DOCK1: variants seen among roughly 807,000 people sequenced by gnomAD.
The protein encoded by DOCK1 is dedicator of cytokinesis 1, also known as dedicator of cytokinesis protein 1.
In DOCK1, 138 loss-of-function variants were observed where a neutral mutation model predicts 262.7. The observed-to-expected ratio is 0.53, with a 90% CI of 0.46 to 0.61. The LOEUF is 0.61. Ranked by LOEUF, DOCK1 falls within the 20% of genes least tolerant of loss-of-function variation. DOCK1 has a pLI of 0.00. For synonymous variants in DOCK1, 866 were observed against 867.4 expected, an observed-to-expected ratio of 1.00 and a Z score of 0.03; for missense variants, 1,908 against 2,370.7, an observed-to-expected ratio of 0.80 and a Z score of 4.05.
chr10:127,444,555 C>T (rs552030512), intron 50 of DOCK1, among the ~76,000 whole-genome samples: 2 of 152,264 alleles, frequency 1.3e-5, no homozygotes, highest in Non-Finnish European at 2.9e-5. Context: ...CTGTGAAGCA[C>T]GTGGAACCAC....
intron 27 of DOCK1, among the ~76,000 whole-genome samples, chr10:127,211,511 C>T (rs1188927947): frequency 6.6e-6 from 1 of 152,176 alleles, no homozygotes; most frequent in Non-Finnish European, 1.5e-5. Context: ...TGATGAGGAC[C>T]TGCTGTTTCA....
rs561573400 is a variant in DOCK1, at chr10:127,058,640, G to A, written c.2337-3028G>A. Among the ~76,000 whole-genome samples the A allele has an allele frequency of 5.3e-4, 79 of 150,224 alleles. No individual in the cohort carries two copies. In the South Asian group the frequency reaches 0.016, roughly 31 times the overall value. On this transcript the variant is annotated intron_variant, in intron 22 of 51. Coordinates refer to ENST00000623213, the MANE Select transcript of DOCK1 (RefSeq NM_001290223.2). ...ACTTTTTTTAAGCATCTCATTTTCT[G>A]ATTTTTAAACATATTATTTGAATAT... is the stretch of plus-strand genomic sequence containing the variant.
intron 25 of DOCK1, among the ~76,000 whole-genome samples, chr10:127,122,127 A>G (rs1325828826): frequency 6.6e-6 from 1 of 152,202 alleles, no homozygotes; most frequent in African/African-American, 2.4e-5. Context: ...CCAGCAGATC[A>G]CAGGTCACCA....
In DOCK1 at chr10:127,301,310, A is replaced by G. The variant is rs536901636; in HGVS notation, c.3045-37696A>G. 1.8e-4 allele frequency among the ~76,000 whole-genome samples: 27 copies of G among 152,304 alleles called. No homozygotes were observed. The South Asian group carries it at 4.1e-3, about 23-fold the overall frequency. On this transcript the variant is annotated intron_variant, in intron 29 of 51. Transcript: ENST00000623213. ...CTGCTTTTCACATCAGTGCTGTGCA[A>G]TAAGCACTTTTACAAGTCAGGCTGC...
At chr10:127,254,781 G>A (rs1215550618) in intron 28 of DOCK1, among the ~76,000 whole-genome samples, 1 of 152,200 alleles carries the variant, frequency 6.6e-6, no homozygotes, top group Non-Finnish European at 1.5e-5. Context: ...GAGTGAAGAT[G>A]CTTTGTCTTT....
Position 127,343,633 on chromosome 10 carries a change from T to G in DOCK1, c.3124-13T>G, listed in dbSNP as rs2063518300. The G allele has an allele frequency of 3.8e-6, 6 of 1,598,862 alleles. No individual in the cohort carries two copies. The highest frequency in any genetic ancestry group is 5.1e-6 in the Non-Finnish European group (6 of 1,171,886). On this transcript the variant is annotated splice_polypyrimidine_tract_variant and intron_variant, in intron 30 of 51. Coordinates refer to ENST00000623213, the MANE Select transcript of DOCK1 (RefSeq NM_001290223.2). Reference sequence around the variant, plus strand: ...GTTCAACAACTTAGCATCTCCTCCTTTTTGGTTTTCAGCTGTGGAACAACT... The same window carrying G: ...GTTCAACAACTTAGCATCTCCTCCTGTTTGGTTTTCAGCTGTGGAACAACT...
At chr10:127,425,523 C>T (rs576925698) in intron 46 of DOCK1, among the ~76,000 whole-genome samples, 15 of 152,254 alleles carry the variant, frequency 9.9e-5, no homozygotes, top group South Asian at 4.1e-4. Context: ...AAAAAATGTT[C>T]GCACTCTGAC....
intron 29 of DOCK1, among the ~76,000 whole-genome samples, chr10:127,315,111 C>T (rs1271120327): frequency 6.6e-6 from 1 of 152,180 alleles, no homozygotes; most frequent in Non-Finnish European, 1.5e-5. Flanking sequence ...CTCTTTCTTC[C>T]TAATGTCAGT....
rs75981477 is a variant in DOCK1, at chr10:127,345,822, G to A, written c.3224+2076G>A. 6.8e-3 allele frequency among the ~76,000 whole-genome samples: 1,037 copies of A among 152,282 alleles called. 7 individuals carry two copies. Among genetic ancestry groups the A allele is most frequent in the African/African-American group, 0.024 (992 of 41,558 alleles). Reference sequence around the variant, plus strand: ...CAGGCTCCTGCTTTGTGGAATGCACGCTCCCTCAGGGCCCAGGGGAAGGGA... The same window carrying A: ...CAGGCTCCTGCTTTGTGGAATGCACACTCCCTCAGGGCCCAGGGGAAGGGA... On this transcript the variant is annotated intron_variant, in intron 31 of 51. Coordinates refer to ENST00000623213, the MANE Select transcript of DOCK1 (RefSeq NM_001290223.2).
chr10:127,152,052 C>T (rs1020846115), intron 27 of DOCK1, among the ~76,000 whole-genome samples: 2 of 151,804 alleles, frequency 1.3e-5, no homozygotes, highest in African/African-American at 2.4e-5. Flanking sequence ...CAGAATATTA[C>T]GTAGGTTTAG....
intron 25 of DOCK1, among the ~76,000 whole-genome samples, chr10:127,122,282 T>C (rs2255863): frequency 0.82 from 124,901 of 152,056 alleles, 51,998 homozygotes; most frequent in East Asian, 0.94. Flanking sequence ...TGCCATAGCC[T>C]GTGTGACCCT....
chr10:127,111,764 G>A (rs1481606103), intron 25 of DOCK1, among the ~76,000 whole-genome samples: 1 of 152,110 alleles, frequency 6.6e-6, no homozygotes, highest in Non-Finnish European at 1.5e-5. Flanking sequence ...GCGACATACT[G>A]CATCACCAGC....
rs747836571 is a variant in DOCK1, at chr10:126,970,779, T to C, written c.124T>C (p.Tyr42His). The change falls in exon 2 of 52, where the codon TAT (tyrosine) becomes CAT (histidine). Residue 42 changes from tyrosine (Y) to histidine (H), a missense_variant. Tyr to His is a moderately conservative substitution (Grantham distance 83). Around this residue, in one of 9 missense-constraint regions of DOCK1, gnomAD observed 227 missense variants for 254.1 expected, o/e 0.89. Transcript: ENST00000623213. ...IGDTVHILET[Y>H]EGWYRGYTLR... is the part of the protein sequence containing the mutation. ...AGACACTGTGCACATCTTAGAAACA[T>C]ATGAAGGTGCGTATGCATCTTGGTA... 1 of 1,612,574 alleles carries C rather than the reference T, an allele frequency of 6.2e-7. No individual in the cohort carries two copies. The highest frequency in any genetic ancestry group is 8.5e-7 in the Non-Finnish European group (1 of 1,178,874).
At position 127,403,119 on chromosome 10, in the gene DOCK1, A is replaced by G. The variant is rs1377766992; in HGVS notation, c.3992A>G (p.Asp1331Gly). 1 of 1,611,766 alleles carries G rather than the reference A, an allele frequency of 6.2e-7. No individual in the cohort carries two copies. Among genetic ancestry groups the G allele is most frequent in the African/African-American group, 1.3e-5 (1 of 75,034 alleles). The change falls in exon 39 of 52, where the codon GAT becomes GGT. Residue 1331 changes from aspartate (D) to glycine (G), a missense_variant. Transcript: ENST00000623213. ...LAEQYENEMFDYEQLSELLKK... is the reference protein window; with the variant it reads ...LAEQYENEMFGYEQLSELLKK... Reference sequence around the variant, plus strand: ...GAGCAGTATGAGAACGAAATGTTTGATTATGAGCAACTCAGCGAATTGCTG... The same window carrying G: ...GAGCAGTATGAGAACGAAATGTTTGGTTATGAGCAACTCAGCGAATTGCTG...
chr10:127,101,085 G>A (rs560285952), intron 23 of DOCK1, among the ~76,000 whole-genome samples: 2 of 152,202 alleles, frequency 1.3e-5, no homozygotes, highest in East Asian at 3.9e-4. Flanking sequence ...GAGCCCCACA[G>A]GGCAGGCAGG....
intron 27 of DOCK1, among the ~76,000 whole-genome samples, chr10:127,204,702 A>C (rs1424791491): frequency 6.6e-6 from 1 of 152,208 alleles, no homozygotes; most frequent in Non-Finnish European, 1.5e-5. Context: ...ACCTAAATTC[A>C]TTTTATTTGT....
intron 22 of DOCK1, among the ~76,000 whole-genome samples, chr10:127,053,622 C>G (rs890338119): frequency 6.6e-6 from 1 of 152,118 alleles, no homozygotes; most frequent in Non-Finnish European, 1.5e-5. Flanking sequence ...TATTTATTAC[C>G]ATTGAACTGT....
At position 127,446,732 on chromosome 10, in the gene DOCK1, C is replaced by A. The variant is rs1026828319; in HGVS notation, c.5414-662C>A. 6.6e-6 allele frequency among the ~76,000 whole-genome samples: 1 copy of A among 152,172 alleles called. No individual in the cohort carries two copies. The highest frequency in any genetic ancestry group is 1.5e-5 in the Non-Finnish European group (1 of 68,028). ...AACAAATTATCTTTAAGAGTCTCAA[C>A]AAGGTTTGAGAAAATATCCTGCCTT... On this transcript the variant is annotated intron_variant, in intron 50 of 51. Coordinates refer to ENST00000623213, the MANE Select transcript of DOCK1 (RefSeq NM_001290223.2). The surrounding 1 kb of genome is among the most constrained non-coding windows in gnomAD (Gnocchi z 4.4).
intron 13 of DOCK1, among the ~76,000 whole-genome samples, chr10:127,022,304 G>A (rs1227059388): frequency 2.6e-4 from 39 of 151,336 alleles, no homozygotes; most frequent in Admixed American, 2.6e-3. Context: ...ATTCTAGGCT[G>A]GTGATCCTCA....
Sources: gnomAD v4.1 joint callset for allele counts (sites outside exome capture counted in the v4.1 genomes callset) on GRCh38, gnomAD v4.1.1 for gene constraint, gnomAD v4.1.1 regional missense constraint, Gnocchi (gnomAD v3.1) non-coding constraint, MANE v1.5 for transcripts, NCBI Gene and HGNC (gene_info 2026-07-23, HGNC 2026-07-21) for gene names.